Variants in LUC7L2 observed in about 807,000 individuals in gnomAD.
The protein encoded by LUC7L2 is LUC7 like 2, pre-mRNA splicing factor.
A neutral mutation model predicts 52.8 loss-of-function variants in LUC7L2; 25 were observed. That is an observed-to-expected ratio of 0.47 (90% CI 0.34 to 0.66). The LOEUF is 0.66. Among genes scored for constraint, LUC7L2 ranks in the 30% least tolerant of loss-of-function variants. The pLI, the probability that LUC7L2 is intolerant of heterozygous loss-of-function variation, is 0.01. For missense variants in LUC7L2, 328 were observed against 497.8 expected (o/e 0.66, Z 3.25); for synonymous variants, 144 against 160.9 (o/e 0.89, Z 0.80).
intron 1 of LUC7L2, among the ~76,000 whole-genome samples, chr7:139,351,129 AATT>A (rs559300305): frequency 6.6e-6 from 1 of 152,130 alleles, no homozygotes; most frequent in Non-Finnish European, 1.5e-5. Flanking sequence ...TCATGACTTC[AATT>A]ATTCTCAAAA....
intron 2 of LUC7L2, chr7:139,392,479 T>G (rs1277580192): frequency 5.0e-6 from 2 of 399,274 alleles, no homozygotes; most frequent in South Asian, 3.7e-5. Context: ...CAGGATCAGG[T>G]ATAGTTATTT....
intron 2 of LUC7L2, among the ~76,000 whole-genome samples, chr7:139,392,032 T>A (rs1177792328): frequency 6.6e-6 from 1 of 152,232 alleles, no homozygotes; most frequent in East Asian, 1.9e-4. Flanking sequence ...CTTTGCCACC[T>A]TCTCTTTTCT....
chr7:139,381,463 G>A (rs1801017711), intron 2 of LUC7L2, among the ~76,000 whole-genome samples: 1 of 151,474 alleles, frequency 6.6e-6, no homozygotes, highest in Admixed American at 6.6e-5. Flanking sequence ...AGGCTGGAGT[G>A]CAGTGGTGCC....
chr7:139,421,506 T>C lies in LUC7L2; in HGVS notation c.1002-657T>C, dbSNP rs150929376. On this transcript the variant is annotated intron_variant, in intron 9 of 9. Transcript: ENST00000354926. ...AGTAAACAGTTATGGCTAATCAAGA[T>C]TTATTAGTGTGAGCATCTTTGTCTT... 1.9e-4 allele frequency among the ~76,000 whole-genome samples: 29 copies of C among 152,352 alleles called. 1 individual carries two copies. The highest frequency in any genetic ancestry group is 6.0e-4 in the African/African-American group (25 of 41,576).
chr7:139,346,945 TCTC>T (rs1022306952), intron 1 of LUC7L2, among the ~76,000 whole-genome samples: 4 of 152,180 alleles, frequency 2.6e-5, no homozygotes, highest in Non-Finnish European at 4.4e-5. Context: ...CTAATAACCT[TCTC>T]CTCGTCTGTC....
chr7:139,353,583 C>T (rs537651354), intron 1 of LUC7L2, among the ~76,000 whole-genome samples: 20 of 151,964 alleles, frequency 1.3e-4, no homozygotes, highest in Non-Finnish European at 2.4e-4. Context: ...GGGTGGATCA[C>T]GCAGTCGGAG....
At chr7:139,356,190 G>A (rs1799598472), upstream of LUC7L2, among the ~76,000 whole-genome samples, 1 of 151,618 alleles carries the variant, frequency 6.6e-6, no homozygotes, top group African/African-American at 2.4e-5. Context: ...CATACCTGCA[G>A]TCCCAGCTAC....
At chr7:139,359,848 T>G, upstream of LUC7L2, 1 of 405,724 alleles carries the variant, frequency 2.5e-6, no homozygotes, top group Non-Finnish European at 4.4e-6. Flanking sequence ...TGGACGCCAG[T>G]TGGTGGAGCC....
At position 139,407,215 on chromosome 7, in the gene LUC7L2, G is replaced by A. The variant is rs779391940; in HGVS notation, c.552G>A (p.Gln184=). 1.2e-6 allele frequency: 2 copies of A among 1,611,442 alleles called. No individual in the cohort carries two copies. The highest frequency in any genetic ancestry group is 4.5e-5 in the East Asian group (2 of 44,818). ...RNSMPASSFQ[Q]QKLRVCEVCS... is the part of the protein sequence containing the mutation. ...CTATGCCAGCTTCCAGTTTTCAGCA[G>A]CAGAAACTTCGAGTCTGTGAAGTCT... The change falls in exon 6 of 10, where the codon CAG becomes CAA. Residue 184 remains glutamine (Q), a synonymous_variant. Transcript: ENST00000354926.
intron 9 of LUC7L2, among the ~76,000 whole-genome samples, chr7:139,418,237 G>A (rs1231595743): frequency 7.3e-6 from 1 of 136,754 alleles, no homozygotes; most frequent in East Asian, 2.0e-4. Context: ...TAATAAGGAG[G>A]TTCCAAGACT....
chr7:139,395,162 C>T (rs537586179), intron 2 of LUC7L2, among the ~76,000 whole-genome samples: 7 of 152,214 alleles, frequency 4.6e-5, no homozygotes, highest in East Asian at 1.9e-4. Context: ...AAGTTGTTGG[C>T]GTGATTGATG....
chr7:139,411,331 A>G (rs1399803089), intron 7 of LUC7L2, among the ~76,000 whole-genome samples: 3 of 152,226 alleles, frequency 2.0e-5, no homozygotes, highest in African/African-American at 7.2e-5. Context: ...AACTAGTATA[A>G]AATTATATAA....
At chr7:139,345,385 C>G in intron 1 of LUC7L2, 1 of 1,423,868 alleles carries the variant, frequency 7.0e-7, no homozygotes, top group Non-Finnish European at 9.4e-7. Flanking sequence ...ACATACATGT[C>G]TGTATTTCCT....
At chr7:139,341,460 G>A (rs1798957918) in intron 1 of LUC7L2, 1 of 1,613,578 alleles carries the variant, frequency 6.2e-7, no homozygotes, top group Non-Finnish European at 8.5e-7. Flanking sequence ...CGCGGCCACC[G>A]GCCGACCCTA....
At chr7:139,391,109 T>C (rs538089128) in intron 2 of LUC7L2, among the ~76,000 whole-genome samples, 2 of 152,226 alleles carry the variant, frequency 1.3e-5, no homozygotes, top group Non-Finnish European at 2.9e-5. Flanking sequence ...CTGAATAATA[T>C]TGTGTAGTGT....
At chr7:139,376,582 C>T (rs1331917460) in intron 2 of LUC7L2, among the ~76,000 whole-genome samples, 3 of 151,960 alleles carry the variant, frequency 2.0e-5, no homozygotes, top group Non-Finnish European at 4.4e-5. Context: ...TACTTATATC[C>T]ACACAGCTTA....
chr7:139,419,962 A>G (rs1019566450), intron 9 of LUC7L2, among the ~76,000 whole-genome samples: 1 of 152,138 alleles, frequency 6.6e-6, no homozygotes, highest in East Asian at 1.9e-4. Context: ...ATTGCTACAT[A>G]TTTGGGTTTA....
chr7:139,354,281 A>G (rs986108150), intron 1 of LUC7L2, among the ~76,000 whole-genome samples: 3 of 152,224 alleles, frequency 2.0e-5, no homozygotes, highest in Non-Finnish European at 4.4e-5. Context: ...TAGTGGTGAA[A>G]TGCTGGGTCA....
Position 139,375,249 on chromosome 7 carries a change from G to C in LUC7L2, c.62-813G>C, listed in dbSNP as rs1242359323. 3 of 984,686 alleles carry C rather than the reference G, an allele frequency of 3.0e-6. No individual in the cohort carries two copies. The African/African-American group carries it at 5.2e-5, about 17-fold the overall frequency. 61.0% of individuals were successfully genotyped at this position (984,686 alleles called of 1,614,324 possible). A position where few individuals can be genotyped will look rare whatever the true frequency, so the allele number is the denominator to read the frequency against. On this transcript the variant is annotated intron_variant, in intron 1 of 9. Transcript: ENST00000354926. ...ACGTTTTGAGTAGATAGCCATATTTGATAAGCAGGTTGGATGCTTCTGTTG... is the reference window on the plus strand; with the variant it reads ...ACGTTTTGAGTAGATAGCCATATTTCATAAGCAGGTTGGATGCTTCTGTTG...
Sources: allele counts gnomAD v4.1 joint callset (sites outside exome capture counted in the v4.1 genomes callset), GRCh38; gene constraint gnomAD v4.1.1; transcripts MANE v1.5; gene names NCBI Gene and HGNC (gene_info 2026-07-23, HGNC 2026-07-21).